RUFY2: variants seen among roughly 807,000 people sequenced by gnomAD.
RUFY2 encodes RUN and FYVE domain-containing protein 2.
RUFY2 carries 49 observed loss-of-function variants against 94.4 expected under a neutral mutation model. The observed-to-expected ratio is 0.52, with a 90% CI of 0.41 to 0.66. The LOEUF (loss-of-function observed/expected upper bound fraction) is 0.66. Ranked by LOEUF, RUFY2 falls within the 30% of genes least tolerant of loss-of-function variation. RUFY2 has a pLI of 0.00. For missense variants in RUFY2, 541 were observed against 692.8 expected (o/e 0.78, Z 2.46); for synonymous variants, 255 against 235.7 (o/e 1.08, Z -0.75).
At chr10:68,358,708 C>T (rs1251004850) in intron 15 of RUFY2, among the ~76,000 whole-genome samples, 3 of 152,000 alleles carry the variant, frequency 2.0e-5, no homozygotes, top group East Asian at 3.9e-4. Flanking sequence ...GTCAGGAGTT[C>T]GAGACCAGCC....
intron 1 of RUFY2, chr10:68,406,909 G>A: frequency 6.3e-7 from 1 of 1,574,822 alleles, no homozygotes; most frequent in Non-Finnish European, 8.6e-7. Flanking sequence ...ACCCTGCCTG[G>A]CCCTGTCCTC....
intron 13 of RUFY2, among the ~76,000 whole-genome samples, chr10:68,366,469 G>A (rs1034079911): frequency 1.3e-5 from 2 of 151,206 alleles, no homozygotes; most frequent in African/African-American, 2.4e-5. Context: ...CAGGCTGGGC[G>A]CAGTGGCTTA....
At position 68,343,434 on chromosome 10, in the gene RUFY2, T is replaced by C. The variant is rs1336921573; in HGVS notation, c.*2334A>G. ...TTTTTGAAAGTTGTATGTGTTTTAT[T>C]TTCCCAGGATTACTCTCTTAACATC... On this transcript the variant is annotated 3_prime_UTR_variant, in exon 18 of 18. Coordinates refer to ENST00000602465, the MANE Select transcript of RUFY2 (RefSeq NM_001330103.2). 1 of 152,624 alleles carries C rather than the reference T, an allele frequency of 6.6e-6. No homozygotes were observed. Among genetic ancestry groups the C allele is most frequent in the Non-Finnish European group, 1.5e-5 (1 of 68,022 alleles). 9.5% of individuals were successfully genotyped at this position (152,624 alleles called of 1,614,324 possible). A position where few individuals can be genotyped will look rare whatever the true frequency, so the allele number is the denominator to read the frequency against.
chr10:68,364,138 A>C, intron 13 of RUFY2, 25 bp from the exon 14 acceptor site: 1 of 1,599,180 alleles, frequency 6.3e-7, no homozygotes, highest in Non-Finnish European at 8.5e-7. Context: ...AACACACAGA[A>C]GCTCAGTGCT....
chr10:68,374,111 T>G (rs1589869962), intron 13 of RUFY2, among the ~76,000 whole-genome samples: 1 of 65,410 alleles, frequency 1.5e-5, no homozygotes, highest in Non-Finnish European at 2.7e-5. Context: ...TGAGATCCTG[T>G]CCCAAAAAAA....
chr10:68,371,131 C>CAA (rs58880698), intron 13 of RUFY2, among the ~76,000 whole-genome samples: 4,980 of 59,056 alleles, frequency 0.084, 245 homozygotes, highest in South Asian at 0.24. Context: ...GGCTCTGTCT[C>CAA]AAAAAAAAAA....
At chr10:68,361,096 A>T (rs1274531797) in intron 15 of RUFY2, among the ~76,000 whole-genome samples, 1 of 152,062 alleles carries the variant, frequency 6.6e-6, no homozygotes, top group East Asian at 1.9e-4. Context: ...AGACTGGCCA[A>T]CATGGTAAAA....
chr10:68,342,865 T>C (rs545345339), downstream of RUFY2: 54 of 152,552 alleles, frequency 3.5e-4, no homozygotes, highest in African/African-American at 1.2e-3. Flanking sequence ...TTCTCACAAT[T>C]GTATTTTCAG....
intron 13 of RUFY2, among the ~76,000 whole-genome samples, chr10:68,365,876 G>C (rs964662210): frequency 6.6e-6 from 1 of 152,142 alleles, no homozygotes; most frequent in African/African-American, 2.4e-5. Context: ...TACAAACACT[G>C]AAGTAACCAA....
intron 16 of RUFY2, chr10:68,346,747 T>C (rs923495670): frequency 6.6e-6 from 1 of 152,230 alleles, no homozygotes; most frequent in Non-Finnish European, 1.5e-5. Context: ...GAATGGGGTA[T>C]CCTAGTCCAA....
chr10:68,381,302 G>GT lies in RUFY2; in HGVS notation c.1036dup (p.Thr346AsnfsTer13), dbSNP rs1254568875. On this transcript the variant is annotated frameshift_variant, in exon 11 of 18. Coordinates refer to ENST00000602465, the MANE Select transcript of RUFY2 (RefSeq NM_001330103.2). LOFTEE classifies it high-confidence loss of function. ...TAGTTGTTGTCGAAGGCCTATCAGA[G>GT]TATCTTGTTTCTCATGGATATCTTT... The GT allele has an allele frequency of 6.2e-7, 1 of 1,613,800 alleles. No homozygotes were observed. The highest frequency in any genetic ancestry group is 1.7e-5 in the Admixed American group (1 of 59,996).
In RUFY2 at chr10:68,344,691, A is replaced by C. The variant is rs2046178196; in HGVS notation, c.*1077T>G. On this transcript the variant is annotated 3_prime_UTR_variant, in exon 18 of 18. Coordinates refer to ENST00000602465, the MANE Select transcript of RUFY2 (RefSeq NM_001330103.2). ...AAGAGTGAAACTCCATCTCGAAAAA[A>C]AAAGAAATAGGTCAAGTGTATATTT... The C allele has an allele frequency of 1.3e-5, 2 of 152,514 alleles. No homozygotes were observed. Among genetic ancestry groups the C allele is most frequent in the Admixed American group, 1.3e-4 (2 of 15,306 alleles). 9.4% of individuals were successfully genotyped at this position (152,514 alleles called of 1,614,324 possible). A position where few individuals can be genotyped will look rare whatever the true frequency, so the allele number is the denominator to read the frequency against.
At chr10:68,347,377 C>T (rs1283067001) in intron 16 of RUFY2, among the ~76,000 whole-genome samples, 1 of 149,986 alleles carries the variant, frequency 6.7e-6, no homozygotes, top group Non-Finnish European at 1.5e-5. Context: ...CTCCGTCTCC[C>T]AGGTTCAAGT....
intron 2 of RUFY2, among the ~76,000 whole-genome samples, chr10:68,404,157 A>C (rs2051088028): frequency 6.6e-6 from 1 of 152,246 alleles, no homozygotes; most frequent in African/African-American, 2.4e-5. Context: ...TTTTATATGT[A>C]ACAATAATTC....
At position 68,364,197 on chromosome 10, in the gene RUFY2, T is replaced by C; in HGVS notation, c.1326-84A>G. 4.4e-6 allele frequency: 6 copies of C among 1,357,916 alleles called. No homozygotes were observed. The South Asian group carries it at 5.0e-5, about 11-fold the overall frequency. 84.1% of individuals were successfully genotyped at this position (1,357,916 alleles called of 1,614,324 possible). On this transcript the variant is annotated intron_variant, in intron 13 of 17. Coordinates refer to ENST00000602465, the MANE Select transcript of RUFY2 (RefSeq NM_001330103.2). ...GTATTCTTTACTAAAATCACCCTTT[T>C]GGTTTATTACTTTGGCCTTTGTAAT... is the stretch of plus-strand genomic sequence containing the variant.
At chr10:68,342,020 G>T, downstream of RUFY2, 1 of 1,613,966 alleles carries the variant, frequency 6.2e-7, no homozygotes, top group Non-Finnish European at 8.5e-7. Context: ...GGGCAAGGCG[G>T]CATGAGTGGA....
intron 13 of RUFY2, among the ~76,000 whole-genome samples, chr10:68,371,131 CAAAAAAA>C (rs58880698): frequency 2.5e-4 from 15 of 59,174 alleles, no homozygotes; most frequent in African/African-American, 9.5e-4. Context: ...GGCTCTGTCT[CAAAAAAA>C]AAAAAAAAAA....
chr10:68,403,603 G>A (rs2051033787), intron 2 of RUFY2, among the ~76,000 whole-genome samples: 1 of 152,088 alleles, frequency 6.6e-6, no homozygotes, highest in African/African-American at 2.4e-5. Flanking sequence ...GTACTTCTCT[G>A]TTGTTTATGT....
chr10:68,388,205 A>G (rs1478635395), intron 7 of RUFY2, among the ~76,000 whole-genome samples: 1 of 151,014 alleles, frequency 6.6e-6, no homozygotes, highest in Non-Finnish European at 1.5e-5. Flanking sequence ...GTGGCTCCAC[A>G]TGTAATCCCA....
Sources: gnomAD v4.1 joint callset for allele counts (sites outside exome capture counted in the v4.1 genomes callset) on GRCh38, gnomAD v4.1.1 for gene constraint, MANE v1.5 for transcripts, NCBI Gene and HGNC (gene_info 2026-07-23, HGNC 2026-07-21) for gene names.